TRIM37: variants seen among roughly 807,000 people sequenced by gnomAD.
TRIM37 encodes the protein tripartite motif containing 37, also known as E3 ubiquitin-protein ligase TRIM37.
TRIM37 carries 80 observed loss-of-function variants against 129.8 expected under a neutral mutation model. That is an observed-to-expected ratio of 0.62 (90% CI 0.51 to 0.74). The LOEUF is 0.74. Among genes scored for constraint, TRIM37 ranks in the 30% least tolerant of loss-of-function variants. TRIM37 has a pLI of 0.00. For missense variants in TRIM37, 1,054 were observed against 1,176.5 expected, an observed-to-expected ratio of 0.90 and a Z score of 1.52; for synonymous variants, 389 against 387.1, an observed-to-expected ratio of 1.00 and a Z score of -0.06.
Position 59,015,781 on chromosome 17 carries a change from T to C in TRIM37, c.2405A>G (p.Gln802Arg). The change falls in exon 21 of 24, where the codon CAG becomes CGG. Residue 802 changes from glutamine to arginine, a missense_variant. Coordinates refer to ENST00000262294, the MANE Select transcript of TRIM37 (RefSeq NM_015294.6). Reference protein sequence around the residue: ...TLSEGSPGSSQSGSRHSSPRA... With the variant: ...TLSEGSPGSSRSGSRHSSPRA... ...GGGAGAACTGTGCCTGCTCCCAGAC[T>C]GAGAGCTTCCTGGGGAGCCTTCAAA... is the stretch of plus-strand genomic sequence containing the variant. The C allele has an allele frequency of 6.2e-7, 1 of 1,613,354 alleles. No individual in the cohort carries two copies. The highest frequency in any genetic ancestry group is 8.5e-7 in the Non-Finnish European group (1 of 1,179,960).
At chr17:59,095,294 G>A (rs563581590) in intron 2 of TRIM37, among the ~76,000 whole-genome samples, 8 of 152,240 alleles carry the variant, frequency 5.3e-5, no homozygotes, top group Non-Finnish European at 8.8e-5. Flanking sequence ...CAAAGATAAC[G>A]TTTCAAGAAA....
At chr17:59,010,403 G>C (rs1037101941) in intron 22 of TRIM37, among the ~76,000 whole-genome samples, 3 of 152,196 alleles carry the variant, frequency 2.0e-5, no homozygotes, top group African/African-American at 7.2e-5. Flanking sequence ...GTCTGAACTA[G>C]ATAGTAAGTT....
At chr17:59,058,611 A>T (rs566762790) in intron 12 of TRIM37, among the ~76,000 whole-genome samples, 1 of 152,324 alleles carries the variant, frequency 6.6e-6, no homozygotes, top group East Asian at 1.9e-4. Context: ...TAATCCCAGC[A>T]CTTTAAGAGA....
At chr17:59,103,301 C>T (rs1278197151) in intron 2 of TRIM37, among the ~76,000 whole-genome samples, 3 of 152,094 alleles carry the variant, frequency 2.0e-5, no homozygotes, top group East Asian at 1.9e-4. Context: ...ATTGGACTCT[C>T]GCATACACAA....
chr17:59,106,604 C>T lies in TRIM37; in HGVS notation c.-143G>A. 1 of 950,274 alleles carries T rather than the reference C, an allele frequency of 1.1e-6. No individual in the cohort carries two copies. Among genetic ancestry groups the T allele is most frequent in the Non-Finnish European group, 1.6e-6 (1 of 609,770 alleles). 58.9% of individuals were successfully genotyped at this position (950,274 alleles called of 1,614,324 possible). A position where few individuals can be genotyped will look rare whatever the true frequency, so the allele number is the denominator to read the frequency against. On this transcript the variant is annotated 5_prime_UTR_variant, in exon 1 of 24. Coordinates refer to ENST00000262294, the MANE Select transcript of TRIM37 (RefSeq NM_015294.6). ...GGGGCTCTGACAACCGCCCCACCTG[C>T]GCGCCCCATCTCTTCAGGTCCAGCG...
rs2046022529 is a variant in TRIM37, at chr17:59,106,565, G to C, written c.-104C>G. 1.4e-6 allele frequency: 2 copies of C among 1,433,534 alleles called. No individual in the cohort carries two copies. The highest frequency in any genetic ancestry group is 9.7e-7 in the Non-Finnish European group (1 of 1,035,528). The allele number at this position is 1,433,534 out of a possible 1,614,324, so 88.8% of individuals were successfully genotyped here. A position where few individuals can be genotyped will look rare whatever the true frequency, so the allele number is the denominator to read the frequency against. ...CAGATCAAATCGCCGATAAAAGCCC[G>C]GCGCCCACGTCAGGGGGCTCTGACA... On this transcript the variant is annotated 5_prime_UTR_variant, in exon 1 of 24. Coordinates refer to ENST00000262294, the MANE Select transcript of TRIM37 (RefSeq NM_015294.6).
intron 12 of TRIM37, among the ~76,000 whole-genome samples, chr17:59,060,067 A>T (rs534009172): frequency 6.6e-6 from 1 of 152,172 alleles, no homozygotes; most frequent in Non-Finnish European, 1.5e-5. Context: ...TCTAGACTTC[A>T]GTCTCTGCAG....
chr17:58,990,199 A>G (rs2144086071), intron 24 of TRIM37, among the ~76,000 whole-genome samples: 1 of 149,730 alleles, frequency 6.7e-6, no homozygotes, highest in South Asian at 2.1e-4. Flanking sequence ...AAAAAAAAAA[A>G]AAAAAAAAAG....
At chr17:58,991,251 T>C (rs2032375554) in intron 24 of TRIM37, among the ~76,000 whole-genome samples, 1 of 148,902 alleles carries the variant, frequency 6.7e-6, no homozygotes, top group Non-Finnish European at 1.5e-5. Flanking sequence ...AGTTAAAGAA[T>C]AAGGCCAGGC....
At chr17:59,035,482 G>A (rs185647344) in intron 17 of TRIM37, among the ~76,000 whole-genome samples, 11 of 152,036 alleles carry the variant, frequency 7.2e-5, no homozygotes, top group Admixed American at 7.2e-4. Context: ...AGCCAGGCGC[G>A]GTGGTTCACG....
downstream of TRIM37, among the ~76,000 whole-genome samples, chr17:58,996,766 CA>C (rs764978723): frequency 0.037 from 3,291 of 88,284 alleles, 36 homozygotes; most frequent in Middle Eastern, 0.084. Context: ...GAGACTCCAT[CA>C]AAAAAAAAAA....
chr17:59,066,573 G>A (rs2041935848), intron 9 of TRIM37, among the ~76,000 whole-genome samples: 1 of 152,106 alleles, frequency 6.6e-6, no homozygotes, highest in African/African-American at 2.4e-5. Context: ...AAGAGCATAG[G>A]TTACTAACAC....
At chr17:59,056,809 G>A (rs191126499) in intron 13 of TRIM37, 66 bp downstream of exon 13, 10 of 1,149,746 alleles carry the variant, frequency 8.7e-6, no homozygotes, top group Non-Finnish European at 1.2e-5. Context: ...AATGATCTTT[G>A]AAATATAGTT....
At chr17:59,050,806 T>C (rs975611583) in intron 14 of TRIM37, among the ~76,000 whole-genome samples, 10 of 152,168 alleles carry the variant, frequency 6.6e-5, no homozygotes, top group African/African-American at 2.4e-4. Context: ...TGTGAAACCC[T>C]GTCTCTACTA....
chr17:59,081,104 T>C lies in TRIM37; in HGVS notation c.485A>G (p.Gln162Arg). The change falls in exon 6 of 24, where the codon CAA becomes CGA. Residue 162 changes from glutamine (Q) to arginine (R), a missense_variant. Coordinates refer to ENST00000262294, the MANE Select transcript of TRIM37 (RefSeq NM_015294.6). ...RRLMELISLV[Q>R]EVERNVEAVR... ...TTTTAGTAGTAGTCTTACCACTTCT[T>C]GAACTAAGCTGATCAGTTCCATGAG... The C allele has an allele frequency of 6.2e-7, 1 of 1,610,382 alleles. No homozygotes were observed. The highest frequency in any genetic ancestry group is 8.5e-7 in the Non-Finnish European group (1 of 1,177,626).
chr17:59,102,152 T>C (rs979821462), intron 2 of TRIM37, among the ~76,000 whole-genome samples: 2 of 152,134 alleles, frequency 1.3e-5, no homozygotes, highest in Admixed American at 6.5e-5. Context: ...CACACAGAGA[T>C]GATAGCTAAA....
chr17:59,033,558 G>A lies in TRIM37; in HGVS notation c.1754-1468C>T, dbSNP rs77511404. Among the ~76,000 whole-genome samples the A allele has an allele frequency of 1.3e-4, 20 of 151,962 alleles. No individual in the cohort carries two copies. The East Asian group carries it at 3.1e-3, about 24-fold the overall frequency. Reference sequence around the variant, plus strand: ...AGCGATTCTCCTGCCTCAGCCTCCCGTAGTGGGGACTACAGGCATGCACCA... The same window carrying A: ...AGCGATTCTCCTGCCTCAGCCTCCCATAGTGGGGACTACAGGCATGCACCA... On this transcript the variant is annotated intron_variant, in intron 17 of 23. Transcript: ENST00000262294.
chr17:59,025,395 A>T (rs556641917), intron 19 of TRIM37, among the ~76,000 whole-genome samples: 141 of 151,186 alleles, frequency 9.3e-4, no homozygotes, highest in African/African-American at 3.3e-3. Context: ...ATTAATTATA[A>T]TATTATTAAT....
downstream of TRIM37, among the ~76,000 whole-genome samples, chr17:58,977,734 T>C (rs977883884): frequency 1.3e-5 from 2 of 152,162 alleles, no homozygotes; most frequent in African/African-American, 4.8e-5. Context: ...AACAGGGATG[T>C]TAAATGTTGG....
Sources: allele counts gnomAD v4.1 joint callset (sites outside exome capture counted in the v4.1 genomes callset), GRCh38; gene constraint gnomAD v4.1.1; transcripts MANE v1.5; gene names NCBI Gene and HGNC (gene_info 2026-07-23, HGNC 2026-07-21).